The following NUBPL variants were observed in gnomAD, a reference collection of about 807,000 sequenced individuals.
NUBPL encodes iron-sulfur cluster transfer protein NUBPL.
Under a neutral mutation model 45.7 loss-of-function variants are expected in NUBPL, and 31 were observed. The observed-to-expected ratio is 0.68, with a 90% CI of 0.51 to 0.92. The LOEUF is 0.92. Ranked by LOEUF, NUBPL falls within the 40% of genes least tolerant of loss-of-function variation. The pLI is 0.00. For missense variants in NUBPL, 401 were observed against 398.7 expected (o/e 1.01, Z -0.05); for synonymous variants, 144 against 140.9 (o/e 1.02, Z -0.15).
At chr14:31,578,261 C>T (rs1048248679) in intron 3 of NUBPL, among the ~76,000 whole-genome samples, 1 of 152,116 alleles carries the variant, frequency 6.6e-6, no homozygotes, top group African/African-American at 2.4e-5. Context: ...TCTAATATGC[C>T]AGAAAATTTA....
intron 6 of NUBPL, among the ~76,000 whole-genome samples, chr14:31,715,252 T>C (rs2037661858): frequency 6.6e-6 from 1 of 152,252 alleles, no homozygotes; most frequent in African/African-American, 2.4e-5. Context: ...CTTTATAGTT[T>C]CCCTTTTCTC....
chr14:31,616,179 A>G (rs1037993966), intron 4 of NUBPL, among the ~76,000 whole-genome samples: 1 of 152,066 alleles, frequency 6.6e-6, no homozygotes, highest in Admixed American at 6.5e-5. Context: ...TAGATTCTGC[A>G]TATTAGCCCT....
intron 8 of NUBPL, among the ~76,000 whole-genome samples, chr14:31,828,941 G>C (rs1039894572): frequency 6.6e-6 from 1 of 152,206 alleles, no homozygotes. Flanking sequence ...AAGGATAGAC[G>C]TTAAGGATAT....
At position 31,853,049 on chromosome 14, in the gene NUBPL, C is replaced by T. The variant is rs182219942; in HGVS notation, c.897+2848C>T. 3.1e-3 allele frequency among the ~76,000 whole-genome samples: 471 copies of T among 151,914 alleles called. 1 individual carries two copies. Among genetic ancestry groups the T allele is most frequent in the Non-Finnish European group, 5.1e-3 (346 of 67,960 alleles). ...ACCTATAATGTTATTTGTTAATTAT[C>T]CACTTTAGACTGATACTGTTGTGTT... On this transcript the variant is annotated intron_variant, in intron 10 of 10. Coordinates refer to ENST00000281081, the MANE Select transcript of NUBPL (RefSeq NM_025152.3).
chr14:31,808,515 T>G (rs28845813), intron 7 of NUBPL, among the ~76,000 whole-genome samples: 7,433 of 152,248 alleles, frequency 0.049, 564 homozygotes, highest in African/African-American at 0.17. Context: ...AAGGAGATTT[T>G]GGGCTGAGAC....
intron 4 of NUBPL, among the ~76,000 whole-genome samples, chr14:31,661,690 A>C (rs762923044): frequency 2.6e-5 from 4 of 152,076 alleles, no homozygotes; most frequent in Non-Finnish European, 5.9e-5. Flanking sequence ...ATAGGCGCTC[A>C]CCACCACACC....
At chr14:31,833,429 C>T (rs1246855593) in intron 8 of NUBPL, among the ~76,000 whole-genome samples, 3 of 151,378 alleles carry the variant, frequency 2.0e-5, no homozygotes, top group Non-Finnish European at 4.4e-5. Context: ...TTCTTTATTC[C>T]TTGAGTATAT....
intron 7 of NUBPL, among the ~76,000 whole-genome samples, chr14:31,790,186 T>C (rs1189176219): frequency 6.6e-6 from 1 of 152,230 alleles, no homozygotes; most frequent in Non-Finnish European, 1.5e-5. Flanking sequence ...AAGCAGTTTT[T>C]TTCTCCACTT....
At chr14:31,723,381 C>T (rs1190383511) in intron 6 of NUBPL, among the ~76,000 whole-genome samples, 4 of 152,138 alleles carry the variant, frequency 2.6e-5, no homozygotes, top group African/African-American at 7.2e-5. Context: ...AGCATGAAGC[C>T]TCTGGATTTG....
intron 4 of NUBPL, among the ~76,000 whole-genome samples, chr14:31,665,477 T>G (rs2036385421): frequency 6.6e-6 from 1 of 152,212 alleles, no homozygotes; most frequent in Admixed American, 6.5e-5. Flanking sequence ...AATTTCATTA[T>G]TTACCCAGTA....
chr14:31,611,360 C>T (rs150282559), intron 4 of NUBPL, among the ~76,000 whole-genome samples: 3 of 151,914 alleles, frequency 2.0e-5, no homozygotes, highest in African/African-American at 7.3e-5. Flanking sequence ...TAGGAATTAA[C>T]CAAAAAAGCA....
chr14:31,820,202 T>C (rs1382626383), intron 7 of NUBPL, among the ~76,000 whole-genome samples: 1 of 151,012 alleles, frequency 6.6e-6, no homozygotes, highest in Non-Finnish European at 1.5e-5. Flanking sequence ...CTTCTTGAGA[T>C]AGGCATTTTT....
At chr14:31,843,242 A>G (rs1006407866) in intron 8 of NUBPL, among the ~76,000 whole-genome samples, 3 of 152,230 alleles carry the variant, frequency 2.0e-5, no homozygotes, top group African/African-American at 7.2e-5. Flanking sequence ...ACTTCTGCAT[A>G]CGTTTCATTG....
chr14:31,711,985 C>T (rs1444611410), intron 6 of NUBPL, among the ~76,000 whole-genome samples: 4 of 152,234 alleles, frequency 2.6e-5, no homozygotes, highest in Non-Finnish European at 5.9e-5. Flanking sequence ...TGTTAGAGCT[C>T]GTAAAGGTGG....
chr14:31,785,560 A>G (rs1010630376), intron 6 of NUBPL, among the ~76,000 whole-genome samples: 1 of 152,200 alleles, frequency 6.6e-6, no homozygotes, highest in African/African-American at 2.4e-5. Context: ...CTTCCACAAA[A>G]TGGTCCCTGG....
At chr14:31,622,808 C>T (rs1372768755) in intron 4 of NUBPL, among the ~76,000 whole-genome samples, 1 of 152,196 alleles carries the variant, frequency 6.6e-6, no homozygotes, top group East Asian at 1.9e-4. Flanking sequence ...GGGCAGAGCC[C>T]CCATGGAGAA....
intron 6 of NUBPL, among the ~76,000 whole-genome samples, chr14:31,786,210 T>C (rs571766999): frequency 6.6e-6 from 1 of 152,204 alleles, no homozygotes; most frequent in East Asian, 1.9e-4. Context: ...GGAAAGGACA[T>C]ATTACATGTT....
intron 7 of NUBPL, among the ~76,000 whole-genome samples, chr14:31,800,406 A>G (rs1245119510): frequency 6.6e-6 from 1 of 152,228 alleles, no homozygotes; most frequent in Non-Finnish European, 1.5e-5. Flanking sequence ...CAACAATTAT[A>G]ATAGTAACAT....
intron 4 of NUBPL, among the ~76,000 whole-genome samples, chr14:31,666,186 T>C (rs2036406722): frequency 6.9e-6 from 1 of 145,340 alleles, no homozygotes; most frequent in Admixed American, 7.0e-5. Flanking sequence ...AATTTGCCAG[T>C]CTGTGTCTTT....
Sources: gnomAD v4.1 joint callset for allele counts (sites outside exome capture counted in the v4.1 genomes callset) on GRCh38, gnomAD v4.1.1 for gene constraint, MANE v1.5 for transcripts, NCBI Gene and HGNC (gene_info 2026-07-23, HGNC 2026-07-21) for gene names.